Variants in CDKAL1 observed in about 807,000 individuals in gnomAD.
CDKAL1 encodes the protein CDKAL1 threonylcarbamoyladenosine tRNA methylthiotransferase.
In CDKAL1, 32 loss-of-function variants were observed where a neutral mutation model predicts 68.2. The observed-to-expected ratio is 0.47, with a 90% CI of 0.35 to 0.63. The LOEUF (loss-of-function observed/expected upper bound fraction) is 0.63. CDKAL1 is among the 30% of genes least tolerant of loss of function. CDKAL1 has a pLI of 0.00. For synonymous variants in CDKAL1, 234 were observed against 244.3 expected, an observed-to-expected ratio of 0.96 and a Z score of 0.39; for missense variants, 606 against 696.7, an observed-to-expected ratio of 0.87 and a Z score of 1.47.
At chr6:20,940,916 G>T (rs541198312) in intron 9 of CDKAL1, among the ~76,000 whole-genome samples, 2 of 151,774 alleles carry the variant, frequency 1.3e-5, no homozygotes, top group Admixed American at 1.3e-4. Context: ...CAGTGAAACC[G>T]CGTCTCTACT....
At chr6:20,881,444 T>A (rs1021816172) in intron 9 of CDKAL1, among the ~76,000 whole-genome samples, 6 of 152,252 alleles carry the variant, frequency 3.9e-5, no homozygotes, top group African/African-American at 1.4e-4. Context: ...GTATGCTTGT[T>A]ATTGAGAACT....
chr6:21,174,976 C>T (rs1223413200), intron 13 of CDKAL1, among the ~76,000 whole-genome samples: 1 of 152,140 alleles, frequency 6.6e-6, no homozygotes, highest in Non-Finnish European at 1.5e-5. Context: ...TATGTGGCAA[C>T]ATAAGGCGCT....
chr6:21,045,762 G>C (rs1770190986), intron 11 of CDKAL1, among the ~76,000 whole-genome samples: 1 of 152,156 alleles, frequency 6.6e-6, no homozygotes, highest in African/African-American at 2.4e-5. Flanking sequence ...TTTAATATGA[G>C]AGTAGCAATC....
intron 4 of CDKAL1, among the ~76,000 whole-genome samples, chr6:20,629,539 GC>G (rs1328741015): frequency 6.6e-6 from 1 of 152,124 alleles, no homozygotes; most frequent in Non-Finnish European, 1.5e-5. Context: ...CTATAGGAAT[GC>G]CCTTTTCACC....
intron 8 of CDKAL1, among the ~76,000 whole-genome samples, chr6:20,836,993 C>T (rs1164260974): frequency 6.6e-6 from 1 of 152,042 alleles, no homozygotes; most frequent in Non-Finnish European, 1.5e-5. Flanking sequence ...CCTGGCCCTG[C>T]GTTAGGTAGT....
intron 11 of CDKAL1, among the ~76,000 whole-genome samples, chr6:21,018,161 C>T (rs1411775011): frequency 6.6e-6 from 1 of 152,146 alleles, no homozygotes; most frequent in African/African-American, 2.4e-5. Flanking sequence ...TGAATTTACA[C>T]CTTCCTCAAA....
chr6:20,867,447 T>C (rs1759969500), intron 9 of CDKAL1, among the ~76,000 whole-genome samples: 1 of 152,244 alleles, frequency 6.6e-6, no homozygotes, highest in South Asian at 2.1e-4. Context: ...TTTGTGAATG[T>C]TCAAAAAACA....
At chr6:20,995,954 C>G (rs768302189) in intron 10 of CDKAL1, among the ~76,000 whole-genome samples, 6 of 152,222 alleles carry the variant, frequency 3.9e-5, no homozygotes, top group Non-Finnish European at 7.3e-5. Flanking sequence ...CATCAGTGAT[C>G]TTAGCTAAGT....
intron 12 of CDKAL1, among the ~76,000 whole-genome samples, chr6:21,072,987 C>T (rs1325940017): frequency 4.6e-5 from 7 of 152,128 alleles, no homozygotes. Flanking sequence ...TCTGCTTGTT[C>T]ATCCCTCTCT....
At chr6:20,604,129 G>A (rs1766229495) in intron 4 of CDKAL1, among the ~76,000 whole-genome samples, 2 of 152,122 alleles carry the variant, frequency 1.3e-5, no homozygotes, top group Admixed American at 6.5e-5. Context: ...AAGGATACTT[G>A]CTAGTGAGCT....
At chr6:20,742,220 A>C (rs1004926817) in intron 6 of CDKAL1, among the ~76,000 whole-genome samples, 1 of 152,052 alleles carries the variant, frequency 6.6e-6, no homozygotes, top group Non-Finnish European at 1.5e-5. Context: ...GACCTTTGTC[A>C]GATGTATGGT....
intron 13 of CDKAL1, among the ~76,000 whole-genome samples, chr6:21,146,455 A>G (rs1302761313): frequency 6.6e-6 from 1 of 152,156 alleles, no homozygotes; most frequent in East Asian, 1.9e-4. Flanking sequence ...ATAAAGGTGG[A>G]AAGAGCCAAT....
intron 12 of CDKAL1, among the ~76,000 whole-genome samples, chr6:21,085,988 A>G (rs1772670894): frequency 1.3e-5 from 2 of 152,182 alleles, no homozygotes; most frequent in Non-Finnish European, 1.5e-5. Flanking sequence ...AAGGCAAGAG[A>G]AGTTGAAGGA....
At chr6:20,556,485 A>G (rs1395961238) in intron 4 of CDKAL1, among the ~76,000 whole-genome samples, 13 of 152,226 alleles carry the variant, frequency 8.5e-5, no homozygotes, top group Admixed American at 2.6e-4. Flanking sequence ...GAACCTCAAT[A>G]GGATATTTTT....
At chr6:20,662,207 CTT>C (rs1769316130) in intron 5 of CDKAL1, among the ~76,000 whole-genome samples, 1 of 151,986 alleles carries the variant, frequency 6.6e-6, no homozygotes, top group Non-Finnish European at 1.5e-5. Context: ...ATAAAAAAGA[CTT>C]TTTAAACCCA....
intron 8 of CDKAL1, among the ~76,000 whole-genome samples, chr6:20,784,644 C>T (rs944791673): frequency 8.6e-5 from 13 of 151,272 alleles, no homozygotes; most frequent in African/African-American, 2.2e-4. Context: ...AGGCTGGTCT[C>T]GAACTCCTGA....
chr6:21,018,116 T>C (rs1458688505), intron 11 of CDKAL1, among the ~76,000 whole-genome samples: 1 of 152,124 alleles, frequency 6.6e-6, no homozygotes, highest in Non-Finnish European at 1.5e-5. Flanking sequence ...GGGTAAACCA[T>C]TGCAGTATTT....
In CDKAL1 at chr6:20,788,425, AGCTTTATG is replaced by A. The variant is rs199758336; in HGVS notation, c.638+7162_638+7169del. Reference sequence around the variant, plus strand: ...TGGTTATTATTCATGTTCTTCTGTAAGCTTTATGGGTGGCAGGAACCTTAATCTTTGTC... The same window carrying A: ...TGGTTATTATTCATGTTCTTCTGTAAGGTGGCAGGAACCTTAATCTTTGTC... On this transcript the variant is annotated intron_variant, in intron 8 of 15. Transcript: ENST00000274695. Among the ~76,000 whole-genome samples the A allele has an allele frequency of 1.2e-4, 19 of 152,306 alleles. No individual in the cohort carries two copies. The East Asian group carries it at 2.7e-3, about 22-fold the overall frequency.
intron 8 of CDKAL1, among the ~76,000 whole-genome samples, chr6:20,811,895 C>G (rs1273075073): frequency 6.6e-6 from 1 of 151,424 alleles, no homozygotes; most frequent in Non-Finnish European, 1.5e-5. Context: ...ACAAAAATGT[C>G]TATCAAACAA....
Sources: allele counts gnomAD v4.1 joint callset (sites outside exome capture counted in the v4.1 genomes callset), GRCh38; gene constraint gnomAD v4.1.1; transcripts MANE v1.5; gene names NCBI Gene and HGNC (gene_info 2026-07-23, HGNC 2026-07-21).